Variants in SLC5A3 observed in about 807,000 individuals in gnomAD.
The protein encoded by SLC5A3 is sodium/myo-inositol cotransporter.
In SLC5A3, 10 loss-of-function variants were observed where a neutral mutation model predicts 43.2. That is an observed-to-expected ratio of 0.23 (90% CI 0.14 to 0.39). The LOEUF (loss-of-function observed/expected upper bound fraction) is 0.39. SLC5A3 is among the 10% of genes least tolerant of loss of function. The probability of loss-of-function intolerance (pLI) is 1.00; values close to 1 mark genes in which losing one functional copy is unlikely to be tolerated. For missense variants in SLC5A3, 608 were observed against 893.4 expected (o/e 0.68, Z 4.07); for synonymous variants, 349 against 322.0 (o/e 1.08, Z -0.90).
rs1190347365 is a variant in SLC5A3, at chr21:34,104,669, T to C, written c.*7314T>C. ...AGCCAGGAATGAGCCTACCACATTA[T>C]TTGAGAATATCAAACCTCAGGCCTG... On this transcript the variant is annotated 3_prime_UTR_variant, in exon 2 of 2. Transcript: ENST00000381151. 1 of 1,000,192 alleles carries C rather than the reference T, an allele frequency of 1.0e-6. No homozygotes were observed. The highest frequency in any genetic ancestry group is 1.2e-6 in the Non-Finnish European group (1 of 830,012). 62.0% of individuals were successfully genotyped at this position (1,000,192 alleles called of 1,614,324 possible). A position where few individuals can be genotyped will look rare whatever the true frequency, so the allele number is the denominator to read the frequency against.
At chr21:34,077,052 A>G (rs894609874) in intron 1 of SLC5A3, among the ~76,000 whole-genome samples, 1 of 152,180 alleles carries the variant, frequency 6.6e-6, no homozygotes, top group Non-Finnish European at 1.5e-5. Context: ...ATCCACCTCC[A>G]CCCTGCCCCC....
At position 34,097,198 on chromosome 21, in the gene SLC5A3, A is replaced by G. The variant is rs763637483; in HGVS notation, c.2000A>G (p.Lys667Arg). ...GACTGGTTTTGTGGCTTTAAAAGTA[A>G]GAGCCTCAGCAAGAGGAGTCTCAGA... Reference protein sequence around the residue: ...FIDWFCGFKSKSLSKRSLRDL... With the variant: ...FIDWFCGFKSRSLSKRSLRDL... The change falls in exon 2 of 2, where the codon AAG (lysine) becomes AGG (arginine). Residue 667 changes from lysine to arginine, a missense_variant. By Grantham distance (26) the Lys-to-Arg change is conservative (BLOSUM62 2). Around this residue, in one of 2 missense-constraint regions of SLC5A3, gnomAD observed 210 missense variants for 224.8 expected, o/e 0.93. Transcript: ENST00000381151. 10 of 1,614,144 alleles carry G rather than the reference A, an allele frequency of 6.2e-6. No homozygotes were observed. In the South Asian group the frequency reaches 8.8e-5, roughly 14 times the overall value.
intron 1 of SLC5A3, among the ~76,000 whole-genome samples, chr21:34,074,359 T>A (rs1251816322): frequency 6.6e-6 from 1 of 152,268 alleles, no homozygotes; most frequent in Non-Finnish European, 1.5e-5. Flanking sequence ...TTTCTTTTTC[T>A]GACTTCAGCG....
intron 1 of SLC5A3, among the ~76,000 whole-genome samples, chr21:34,094,232 A>AG (rs1569416042): frequency 6.6e-6 from 1 of 152,156 alleles, no homozygotes; most frequent in African/African-American, 2.4e-5. Flanking sequence ...CCATTAGGGC[A>AG]GGGGGCGTCT....
chr21:34,081,078 A>C lies in SLC5A3; in HGVS notation c.-337+7333A>C, dbSNP rs146139293. Among the ~76,000 whole-genome samples, 259 of 152,348 alleles carry C rather than the reference A, an allele frequency of 1.7e-3. 2 individuals are homozygous for C. The highest frequency in any genetic ancestry group is 6.0e-3 in the African/African-American group (250 of 41,586). On this transcript the variant is annotated intron_variant, in intron 1 of 1. Coordinates refer to ENST00000381151, the MANE Select transcript of SLC5A3 (RefSeq NM_006933.7). The stretch of plus-strand genomic sequence containing the variant: ...AGACTTGATAAAAGGTGAGTCATTA[A>C]AATAATGACTGTAGAATTAGATATG...
rs755394502 is a variant in SLC5A3 at position 34,097,216 on chromosome 21, G to C, written c.2018G>C (p.Ser673Thr). 1 of 1,614,100 alleles carries C rather than the reference G, an allele frequency of 6.2e-7. No individual in the cohort carries two copies. Among genetic ancestry groups the C allele is most frequent in the Admixed American group, 1.7e-5 (1 of 60,016 alleles). The change falls in exon 2 of 2, where the codon AGT (serine) becomes ACT (threonine). Residue 673 changes from serine (S) to threonine (T), a missense_variant. Physicochemically the swap from Ser to Thr is moderately conservative, Grantham distance 58. Coordinates refer to ENST00000381151, the MANE Select transcript of SLC5A3 (RefSeq NM_006933.7). The part of the protein sequence containing the change: ...GFKSKSLSKR[S>T]LRDLMEEEAV... ...AAAAGTAAGAGCCTCAGCAAGAGGA[G>C]TCTCAGAGACCTGATGGAAGAGGAG...
chr21:34,102,929 T>C lies in SLC5A3; in HGVS notation c.*5574T>C. 1.0e-6 allele frequency: 1 copy of C among 999,750 alleles called. No homozygotes were observed. The highest frequency in any genetic ancestry group is 4.7e-5 in the South Asian group (1 of 21,288). 61.9% of individuals were successfully genotyped at this position (999,750 alleles called of 1,614,324 possible). ...TGGCAGTAGGTATCCCCAACCTAAT[T>C]TATCTTGGTAAATTCACCCTGTTTC... is the stretch of plus-strand genomic sequence containing the variant. On this transcript the variant is annotated 3_prime_UTR_variant, in exon 2 of 2. Coordinates refer to ENST00000381151, the MANE Select transcript of SLC5A3 (RefSeq NM_006933.7).
intron 1 of SLC5A3, among the ~76,000 whole-genome samples, chr21:34,082,366 G>T (rs1412377170): frequency 1.3e-5 from 2 of 152,138 alleles, no homozygotes; most frequent in African/African-American, 4.8e-5. Context: ...GAGCTGCACC[G>T]TGTAAACTGT....
At position 34,104,223 on chromosome 21, in the gene SLC5A3, G is replaced by C. The variant is rs115543543; in HGVS notation, c.*6868G>C. 1.0e-6 allele frequency: 1 copy of C among 999,866 alleles called. No homozygotes were observed. The highest frequency in any genetic ancestry group is 1.2e-6 in the Non-Finnish European group (1 of 829,844). 61.9% of individuals were successfully genotyped at this position (999,866 alleles called of 1,614,324 possible). ...TAATTCTGAAGCATATTTGCTAGAGGAGCTACTTTGCTTTTCACAATGGGG... is the reference window on the plus strand; with the variant it reads ...TAATTCTGAAGCATATTTGCTAGAGCAGCTACTTTGCTTTTCACAATGGGG... On this transcript the variant is annotated 3_prime_UTR_variant, in exon 2 of 2. Coordinates refer to ENST00000381151, the MANE Select transcript of SLC5A3 (RefSeq NM_006933.7).
chr21:34,086,823 G>A (rs1428949300), intron 1 of SLC5A3, among the ~76,000 whole-genome samples: 51 of 5,538 alleles, frequency 9.2e-3, no homozygotes, highest in Non-Finnish European at 3.6e-3. Context: ...AGTTGTAATG[G>A]AGAGGTGGAA....
In SLC5A3 at chr21:34,074,160, C is replaced by CCCGCCG. The variant is rs748147718; in HGVS notation, c.-337+424_-337+429dup. Among the ~76,000 whole-genome samples the CCCGCCG allele has an allele frequency of 2.9e-3, 432 of 148,932 alleles. 2 individuals carry two copies. The highest frequency in any genetic ancestry group is 5.4e-3 in the Non-Finnish European group (361 of 66,770). ...GTCGTGAAGCTGCCTCGTCGCCGGC[C>CCCGCCG]CCGCCGCCGCCGCCTGGTCCGTCCC... is the stretch of plus-strand genomic sequence containing the variant. On this transcript the variant is annotated intron_variant, in intron 1 of 1. Coordinates refer to ENST00000381151, the MANE Select transcript of SLC5A3 (RefSeq NM_006933.7).
At position 34,105,403 on chromosome 21, in the gene SLC5A3, T is replaced by C; in HGVS notation, c.*8048T>C. On this transcript the variant is annotated 3_prime_UTR_variant, in exon 2 of 2. Coordinates refer to ENST00000381151, the MANE Select transcript of SLC5A3 (RefSeq NM_006933.7). Reference sequence around the variant, plus strand: ...AAAACCAATTCTTTTTCTAATAATATCCTGTGAAATTGCTTCATTCATTCA... The same window carrying C: ...AAAACCAATTCTTTTTCTAATAATACCCTGTGAAATTGCTTCATTCATTCA... The C allele has an allele frequency of 1.0e-6, 1 of 999,100 alleles. No individual in the cohort carries two copies. The highest frequency in any genetic ancestry group is 1.7e-5 in the African/African-American group (1 of 57,360). The allele number at this position is 999,100 out of a possible 1,614,324, so 61.9% of individuals were successfully genotyped here.
Position 34,099,646 on chromosome 21 carries a change from T to C in SLC5A3, c.*2291T>C. ...TATTTAACATTGAGTCCTAGTAGTT[T>C]GGAGAATTAGGGTCCCTCTACCTTC... On this transcript the variant is annotated 3_prime_UTR_variant, in exon 2 of 2. Transcript: ENST00000381151. 6.0e-6 allele frequency: 6 copies of C among 998,380 alleles called. No individual in the cohort carries two copies. Among genetic ancestry groups the C allele is most frequent in the Non-Finnish European group, 7.2e-6 (6 of 829,554 alleles). The allele number at this position is 998,380 out of a possible 1,614,324, so 61.8% of individuals were successfully genotyped here.
At chr21:34,080,189 A>T (rs1009597864) in intron 1 of SLC5A3, among the ~76,000 whole-genome samples, 9 of 152,226 alleles carry the variant, frequency 5.9e-5, no homozygotes, top group Non-Finnish European at 1.3e-4. Flanking sequence ...AGGTGCACTT[A>T]TAACAAGGAA....
Position 34,098,021 on chromosome 21 carries a change from T to G in SLC5A3, c.*666T>G. 1.0e-5 allele frequency: 10 copies of G among 999,546 alleles called. No homozygotes were observed. Among genetic ancestry groups the G allele is most frequent in the Non-Finnish European group, 1.2e-5 (10 of 829,802 alleles). The allele number at this position is 999,546 out of a possible 1,614,324, so 61.9% of individuals were successfully genotyped here. ...TTTTTTTTCTTTCTACTTTCAAGTT[T>G]AAGTGAACCATACTGAAATGACCAA... On this transcript the variant is annotated 3_prime_UTR_variant, in exon 2 of 2. Transcript: ENST00000381151.
chr21:34,075,166 C>G (rs920643885), intron 1 of SLC5A3, among the ~76,000 whole-genome samples: 6 of 152,158 alleles, frequency 3.9e-5, no homozygotes, highest in African/African-American at 9.7e-5. Context: ...CTTCAACTTA[C>G]GTGTTTTAGG....
intron 1 of SLC5A3, among the ~76,000 whole-genome samples, chr21:34,093,328 G>T (rs1435710341): frequency 1.3e-5 from 2 of 150,728 alleles, no homozygotes; most frequent in Non-Finnish European, 2.9e-5. Context: ...ACTTTTCATA[G>T]CATAATTATT....
chr21:34,079,360 A>G (rs1399787406), intron 1 of SLC5A3, among the ~76,000 whole-genome samples: 1 of 151,928 alleles, frequency 6.6e-6, no homozygotes, highest in East Asian at 1.9e-4. Flanking sequence ...TATAGACACA[A>G]TTTTCTAGGT....
rs1399493623 is a variant in SLC5A3 at position 34,073,650 on chromosome 21, G to A, written c.-432G>A. ...ACTGTCCCCGCCGTCCCGCCCCTTC[G>A]CGTCCCGGGAACCGGCTGGCTTCCG... On this transcript the variant is annotated 5_prime_UTR_variant, in exon 1 of 2. Coordinates refer to ENST00000381151, the MANE Select transcript of SLC5A3 (RefSeq NM_006933.7). 2 of 1,489,582 alleles carry A rather than the reference G, an allele frequency of 1.3e-6. No individual in the cohort carries two copies. Among genetic ancestry groups the A allele is most frequent in the South Asian group, 1.2e-5 (1 of 85,120 alleles). 92.3% of individuals were successfully genotyped at this position (1,489,582 alleles called of 1,614,324 possible).
Sources: allele counts gnomAD v4.1 joint callset (sites outside exome capture counted in the v4.1 genomes callset), GRCh38; gene constraint gnomAD v4.1.1; regional missense constraint gnomAD v4.1.1; transcripts MANE v1.5; gene names NCBI Gene and HGNC (gene_info 2026-07-23, HGNC 2026-07-21).